The following SULT4A1 variants were observed in gnomAD, a reference collection of about 807,000 sequenced individuals.
SULT4A1 encodes sulfotransferase family 4A member 1, also known as sulfotransferase 4A1.
SULT4A1 carries 11 observed loss-of-function variants against 35.2 expected under a neutral mutation model. The observed-to-expected ratio is 0.31, with a 90% CI of 0.20 to 0.52. SULT4A1 has a LOEUF of 0.52. Ranked by LOEUF, SULT4A1 falls within the 20% of genes least tolerant of loss-of-function variation. The pLI is 0.97. For missense variants in SULT4A1, 271 were observed against 383.7 expected (o/e 0.71, Z 2.45); for synonymous variants, 152 against 151.8 (o/e 1.00, Z -0.01).
chr22:43,826,906 A>G (rs956902201), intron 6 of SULT4A1: 9 of 985,304 alleles, frequency 9.1e-6, no homozygotes, highest in Non-Finnish European at 9.6e-6. Flanking sequence ...TGGCAGCCAC[A>G]AGGGAGGGCT....
At chr22:43,849,845 C>G (rs2063499686) in intron 1 of SULT4A1, among the ~76,000 whole-genome samples, 1 of 152,224 alleles carries the variant, frequency 6.6e-6, no homozygotes, top group Non-Finnish European at 1.5e-5. Flanking sequence ...GCCCACTGAG[C>G]TGGTAACACT....
At chr22:43,844,354 C>T (rs1421728537) in intron 1 of SULT4A1, among the ~76,000 whole-genome samples, 1 of 152,188 alleles carries the variant, frequency 6.6e-6, no homozygotes, top group Non-Finnish European at 1.5e-5. Flanking sequence ...TGCGGGGGAG[C>T]TCGTGTGTGC....
Position 43,825,544 on chromosome 22 carries a change from A to C in SULT4A1, c.*457T>G, listed in dbSNP as rs985172470. 4 of 156,490 alleles carry C rather than the reference A, an allele frequency of 2.6e-5. No homozygotes were observed. Among genetic ancestry groups the C allele is most frequent in the Admixed American group, 6.4e-5 (1 of 15,686 alleles). 9.7% of individuals were successfully genotyped at this position (156,490 alleles called of 1,614,324 possible). On this transcript the variant is annotated 3_prime_UTR_variant, in exon 7 of 7. Coordinates refer to ENST00000330884, the MANE Select transcript of SULT4A1 (RefSeq NM_014351.4). ...GAACAGAATGGCTGTGCCTTAGATA[A>C]TAAAACTACAAAAATAAAGAGTTAA...
intron 1 of SULT4A1, 46 bp downstream of exon 1, chr22:43,862,168 C>G: frequency 1.4e-6 from 2 of 1,429,452 alleles, no homozygotes; most frequent in Non-Finnish European, 1.8e-6. Context: ...GGCCGCGCTG[C>G]AGGGCTGGGG....
intron 4 of SULT4A1, among the ~76,000 whole-genome samples, chr22:43,836,487 C>T (rs2063376749): frequency 7.0e-6 from 1 of 142,356 alleles, no homozygotes; most frequent in Non-Finnish European, 1.5e-5. Context: ...ACAGCGTCCT[C>T]CAACTGCAGG....
chr22:43,835,673 G>C (rs907438198), intron 4 of SULT4A1, among the ~76,000 whole-genome samples: 3 of 152,122 alleles, frequency 2.0e-5, no homozygotes, highest in African/African-American at 7.2e-5. Context: ...GAGTCCCTGG[G>C]GCAGAAGGAA....
chr22:43,829,186 T>C lies in SULT4A1; in HGVS notation c.616A>G (p.Met206Val). The C allele has an allele frequency of 6.4e-7, 1 of 1,564,000 alleles. No individual in the cohort carries two copies. The highest frequency in any genetic ancestry group is 8.7e-7 in the Non-Finnish European group (1 of 1,154,420). The change falls in exon 6 of 7, where the codon ATG becomes GTG. Residue 206 changes from methionine to valine, a missense_variant. Around this residue, in one of 3 missense-constraint regions of SULT4A1, gnomAD observed 75 missense variants for 67.7 expected, o/e 1.11. Coordinates refer to ENST00000330884, the MANE Select transcript of SULT4A1 (RefSeq NM_014351.4). ...AGGAATCTGGCCAGCTGCTCCACCATCGTCACCAGGTCCTGGAAGACAAGT... is the reference window on the plus strand; with the variant it reads ...AGGAATCTGGCCAGCTGCTCCACCACCGTCACCAGGTCCTGGAAGACAAGT... The part of the protein sequence containing the change: ...YEDMHRDLVT[M>V]VEQLARFLGV...
intron 2 of SULT4A1, among the ~76,000 whole-genome samples, chr22:43,841,407 C>T (rs1336746834): frequency 1.3e-5 from 2 of 152,058 alleles, no homozygotes; most frequent in African/African-American, 2.4e-5. Context: ...CTGAGGGGTG[C>T]GGGGAGCAGG....
At position 43,829,129 on chromosome 22, in the gene SULT4A1, C is replaced by A. The variant is rs779364979; in HGVS notation, c.673G>T (p.Ala225Ser). Residue 225 changes from alanine (A) to serine (S), a missense_variant, in exon 6 of 7, where the codon GCC (alanine) becomes TCC (serine). Ala to Ser is a moderately conservative substitution (Grantham distance 99). Coordinates refer to ENST00000330884, the MANE Select transcript of SULT4A1 (RefSeq NM_014351.4). ...GVSCDKAQLE[A>S]LTEHCHQLVD... Reference sequence around the variant, plus strand: ...AGCTGGTGGCAGTGCTCCGTCAGGGCTTCCAGCTGGGCCTTGTCACAGGAC... The same window carrying A: ...AGCTGGTGGCAGTGCTCCGTCAGGGATTCCAGCTGGGCCTTGTCACAGGAC... The A allele has an allele frequency of 6.4e-7, 1 of 1,559,618 alleles. No homozygotes were observed.
Position 43,824,563 on chromosome 22 carries a change from G to A in SULT4A1, c.*1438C>T, listed in dbSNP as rs1237985868. On this transcript the variant is annotated 3_prime_UTR_variant, in exon 7 of 7. Transcript: ENST00000330884. Reference sequence around the variant, plus strand: ...AGCAAGCACAGAAGGATCATGTGTAGTGCTCAGTAACATCCATACAGTACT... The same window carrying A: ...AGCAAGCACAGAAGGATCATGTGTAATGCTCAGTAACATCCATACAGTACT... 2 of 152,102 alleles carry A rather than the reference G, an allele frequency of 1.3e-5. No individual in the cohort carries two copies. Among genetic ancestry groups the A allele is most frequent in the Non-Finnish European group, 2.9e-5 (2 of 68,032 alleles). The allele number at this position is 152,102 out of a possible 1,614,324, so 9.4% of individuals were successfully genotyped here. A position where few individuals can be genotyped will look rare whatever the true frequency, so the allele number is the denominator to read the frequency against.
intron 6 of SULT4A1, chr22:43,827,614 A>T (rs757355929): frequency 1.2e-5 from 17 of 1,366,434 alleles, no homozygotes; most frequent in South Asian, 6.8e-5. Context: ...CAACTCAAGA[A>T]GATCTTCCGA....
rs1476348775 is a variant in SULT4A1 at position 43,841,886 on chromosome 22, A to G, written c.216T>C (p.Ala72=). Residue 72 remains alanine, a synonymous_variant, in exon 2 of 7, where the codon GCT becomes GCC. Transcript: ENST00000330884. ...QEVVYLVSQG[A]DPDEIGLMNI... Reference sequence around the variant, plus strand: ...TCATCAAGCCGATCTCATCGGGGTCAGCGCCCTGGCTCACCAAGTAGACCA... The same window carrying G: ...TCATCAAGCCGATCTCATCGGGGTCGGCGCCCTGGCTCACCAAGTAGACCA... The G allele has an allele frequency of 1.2e-6, 2 of 1,613,970 alleles. No homozygotes were observed. The highest frequency in any genetic ancestry group is 1.7e-6 in the Non-Finnish European group (2 of 1,179,868).
chr22:43,843,184 C>A (rs1361796216), intron 1 of SULT4A1, among the ~76,000 whole-genome samples: 15 of 152,156 alleles, frequency 9.9e-5, no homozygotes, highest in Admixed American at 9.8e-4. Flanking sequence ...GGAGGCCAAA[C>A]CGGGAGGACT....
intron 1 of SULT4A1, among the ~76,000 whole-genome samples, chr22:43,847,057 G>C (rs565893046): frequency 1.3e-5 from 2 of 152,184 alleles, no homozygotes; most frequent in South Asian, 4.2e-4. Context: ...TGACTCGTCA[G>C]GTCCACCCGG....
intron 1 of SULT4A1, among the ~76,000 whole-genome samples, chr22:43,850,642 T>C (rs753501479): frequency 2.6e-5 from 4 of 152,180 alleles, no homozygotes; most frequent in Non-Finnish European, 5.9e-5. Flanking sequence ...CTGGCATGGC[T>C]GCACAGGATC....
chr22:43,847,779 C>T (rs1248889658), intron 1 of SULT4A1, among the ~76,000 whole-genome samples: 2 of 152,270 alleles, frequency 1.3e-5, no homozygotes, highest in Non-Finnish European at 2.9e-5. Flanking sequence ...GGACACTGTC[C>T]TAGCACACTG....
At chr22:43,856,991 T>C (rs568477077) in intron 1 of SULT4A1, among the ~76,000 whole-genome samples, 2 of 152,124 alleles carry the variant, frequency 1.3e-5, no homozygotes, top group African/African-American at 2.4e-5. Flanking sequence ...TCAACAGAAT[T>C]AGACTCATGG....
chr22:43,858,248 A>C (rs1388984833), intron 1 of SULT4A1, among the ~76,000 whole-genome samples: 1 of 152,124 alleles, frequency 6.6e-6, no homozygotes, highest in Non-Finnish European at 1.5e-5. Flanking sequence ...TAAGCCCAGG[A>C]GTTCAAACCA....
At chr22:43,850,252 C>T (rs138089) in intron 1 of SULT4A1, among the ~76,000 whole-genome samples, 35,743 of 152,170 alleles carry the variant, frequency 0.23, 4,412 homozygotes, top group African/African-American at 0.32. Context: ...TTATGATCTG[C>T]ACATTTTAGA....
Sources: allele counts gnomAD v4.1 joint callset (sites outside exome capture counted in the v4.1 genomes callset), GRCh38; gene constraint gnomAD v4.1.1; regional missense constraint gnomAD v4.1.1; transcripts MANE v1.5; gene names NCBI Gene and HGNC (gene_info 2026-07-23, HGNC 2026-07-21).